TMEM132B: variants seen among roughly 807,000 people sequenced by gnomAD.
The protein encoded by TMEM132B is transmembrane protein 132B.
A neutral mutation model predicts 90.8 loss-of-function variants in TMEM132B; 18 were observed. The ratio of observed to expected loss-of-function variants is 0.20; its 90% CI spans 0.14 to 0.29. The LOEUF (loss-of-function observed/expected upper bound fraction) is 0.29, where lower values mean the gene tolerates loss of function less well. Among genes scored for constraint, TMEM132B ranks in the 10% least tolerant of loss-of-function variants. The pLI is 1.00. For synonymous variants in TMEM132B, 504 were observed against 523.3 expected (o/e 0.96, Z 0.50); for missense variants, 1,096 against 1,326.8 (o/e 0.83, Z 2.70).
At chr12:125,469,934 C>T (rs188860711) in intron 3 of TMEM132B, among the ~76,000 whole-genome samples, 2 of 152,278 alleles carry the variant, frequency 1.3e-5, no homozygotes, top group East Asian at 3.9e-4. Context: ...CTAGGAAATG[C>T]TGTTTAGCAG....
intron 1 of TMEM132B, among the ~76,000 whole-genome samples, chr12:125,340,707 A>C (rs1286957265): frequency 1.3e-5 from 2 of 152,192 alleles, no homozygotes; most frequent in African/African-American, 2.4e-5. Flanking sequence ...TCAGGAGGAG[A>C]GTGTACAACG....
intron 3 of TMEM132B, among the ~76,000 whole-genome samples, chr12:125,514,380 A>C (rs570726865): frequency 3.3e-4 from 51 of 152,260 alleles, no homozygotes; most frequent in African/African-American, 1.2e-3. Context: ...CGAGAGGAGG[A>C]GTCAGAGGTC....
chr12:125,295,515 T>TGA lies in TMEM132B; in HGVS notation c.68-53910_68-53909dup, dbSNP rs1555237218. On this transcript the variant is annotated intron_variant, in intron 1 of 8. Transcript: ENST00000682704. ...TCCATGAAACCTGTGTGTGTGTGTGTGAGAGAGAGAGAGAGAGAGAGAGAG... is the reference window on the plus strand; with the variant it reads ...TCCATGAAACCTGTGTGTGTGTGTGTGAGAGAGAGAGAGAGAGAGAGAGAGAG... 3.1e-3 allele frequency among the ~76,000 whole-genome samples: 445 copies of TGA among 142,380 alleles called. 1 individual carries two copies. The highest frequency in any genetic ancestry group is 7.4e-3 in the South Asian group (32 of 4,320). The allele number at this position is 142,380 out of a possible 152,430, so 93.4% of individuals were successfully genotyped here. A position where few individuals can be genotyped will look rare whatever the true frequency, so the allele number is the denominator to read the frequency against.
intron 1 of TMEM132B, among the ~76,000 whole-genome samples, chr12:125,263,519 T>C (rs1383651366): frequency 6.6e-6 from 1 of 152,204 alleles, no homozygotes; most frequent in African/African-American, 2.4e-5. Context: ...TACCTCAGAC[T>C]CGGAGTAGTG....
intron 1 of TMEM132B, among the ~76,000 whole-genome samples, chr12:125,225,701 C>T (rs1873664557): frequency 6.6e-6 from 1 of 152,212 alleles, no homozygotes; most frequent in Admixed American, 6.5e-5. Flanking sequence ...CATCTTGCAG[C>T]TCACTTACCT....
chr12:125,516,362 T>G (rs76801098), intron 3 of TMEM132B, among the ~76,000 whole-genome samples: 1,899 of 152,324 alleles, frequency 0.012, 50 homozygotes, highest in African/African-American at 0.044. Context: ...CAGGTCAAAT[T>G]ACCAGTTATG....
At chr12:125,253,434 C>CTT (rs1317549570) in intron 1 of TMEM132B, among the ~76,000 whole-genome samples, 27 of 139,038 alleles carry the variant, frequency 1.9e-4, no homozygotes, top group Non-Finnish European at 2.7e-4. Flanking sequence ...TTCCCCCCCA[C>CTT]TTTTTTTTTT....
intron 1 of TMEM132B, among the ~76,000 whole-genome samples, chr12:125,206,153 G>C (rs1278457833): frequency 6.6e-6 from 1 of 152,162 alleles, no homozygotes; most frequent in East Asian, 1.9e-4. Flanking sequence ...GTTTTTTCTG[G>C]TGGGATGGTA....
intron 4 of TMEM132B, among the ~76,000 whole-genome samples, chr12:125,581,042 A>C (rs1885043199): frequency 6.6e-6 from 1 of 152,212 alleles, no homozygotes; most frequent in Non-Finnish European, 1.5e-5. Flanking sequence ...AAAGGTATGA[A>C]AATCTCAGCT....
chr12:125,547,516 A>G (rs975512725), intron 4 of TMEM132B, among the ~76,000 whole-genome samples: 1 of 152,030 alleles, frequency 6.6e-6, no homozygotes, highest in Admixed American at 6.5e-5. Context: ...TGTCGATAAT[A>G]TATTGTAGAT....
chr12:125,331,052 A>C (rs1263593860), intron 1 of TMEM132B, among the ~76,000 whole-genome samples: 1 of 152,204 alleles, frequency 6.6e-6, no homozygotes. Context: ...GGAGGGATGC[A>C]CCACCGGCTC....
intron 2 of TMEM132B, among the ~76,000 whole-genome samples, chr12:125,392,386 C>A (rs417436): frequency 0.35 from 53,400 of 152,102 alleles, 10,927 homozygotes; most frequent in East Asian, 0.81. Flanking sequence ...GAAATACATT[C>A]ACTCGCTTAA....
chr12:125,348,920 T>G (rs1442419791), intron 1 of TMEM132B, among the ~76,000 whole-genome samples: 1 of 152,170 alleles, frequency 6.6e-6, no homozygotes, highest in East Asian at 1.9e-4. Flanking sequence ...AGGAGAGAGT[T>G]CTAGAAGTAG....
In TMEM132B at chr12:125,293,658, A is replaced by G. The variant is rs532410827; in HGVS notation, c.68-55794A>G. ...CTTTTTTATGGCTATGTAATATTCC[A>G]TGGTGTATATGCGTCATGTTTCCTT... On this transcript the variant is annotated intron_variant, in intron 1 of 8. Coordinates refer to ENST00000682704, the MANE Select transcript of TMEM132B (RefSeq NM_001366854.1). Among the ~76,000 whole-genome samples, 7 of 152,334 alleles carry G rather than the reference A, an allele frequency of 4.6e-5. No homozygotes were observed. In the South Asian group the frequency reaches 1.2e-3, roughly 27 times the overall value.
At chr12:125,187,591 G>T (rs1957767650) in intron 1 of TMEM132B, among the ~76,000 whole-genome samples, 1 of 152,262 alleles carries the variant, frequency 6.6e-6, no homozygotes, top group South Asian at 2.1e-4. Context: ...CATTGCCTGG[G>T]CACCGGGGAG....
At chr12:125,510,107 C>CAGAAAGATGTTGTCAGAA (rs1882942179) in intron 3 of TMEM132B, among the ~76,000 whole-genome samples, 1 of 152,022 alleles carries the variant, frequency 6.6e-6, no homozygotes, top group Admixed American at 6.6e-5. Context: ...AAGATAGAGG[C>CAGAAAGATGTTGTCAGAA]AGTGGGGAAA....
intron 1 of TMEM132B, among the ~76,000 whole-genome samples, chr12:125,221,895 G>A (rs1873567497): frequency 6.6e-6 from 1 of 152,176 alleles, no homozygotes; most frequent in Non-Finnish European, 1.5e-5. Flanking sequence ...TTGTGGGCTG[G>A]AGCCCAACTA....
chr12:125,290,207 A>G (rs574238504), intron 1 of TMEM132B, among the ~76,000 whole-genome samples: 2 of 152,354 alleles, frequency 1.3e-5, no homozygotes, highest in Non-Finnish European at 2.9e-5. Context: ...GAATTACCCA[A>G]CTGCCGAAGC....
At chr12:125,546,747 G>C (rs1884103191) in intron 4 of TMEM132B, among the ~76,000 whole-genome samples, 1 of 152,158 alleles carries the variant, frequency 6.6e-6, no homozygotes, top group Non-Finnish European at 1.5e-5. Flanking sequence ...GATTTCTATA[G>C]AGATTCTGAG....
Sources: gnomAD v4.1 joint callset for allele counts (sites outside exome capture counted in the v4.1 genomes callset) on GRCh38, gnomAD v4.1.1 for gene constraint, MANE v1.5 for transcripts, NCBI Gene and HGNC (gene_info 2026-07-23, HGNC 2026-07-21) for gene names.